Variants in IL1R1 observed in about 807,000 individuals in gnomAD.
The protein encoded by IL1R1 is interleukin-1 receptor type 1.
A neutral mutation model predicts 50.2 loss-of-function variants in IL1R1; 22 were observed. That is an observed-to-expected ratio of 0.44 (90% CI 0.31 to 0.63). The LOEUF (loss-of-function observed/expected upper bound fraction) is 0.63. IL1R1 is among the 20% of genes least tolerant of loss of function. The pLI, the probability that IL1R1 is intolerant of heterozygous loss-of-function variation, is 0.07. For synonymous variants in IL1R1, 251 were observed against 236.7 expected (o/e 1.06, Z -0.55); for missense variants, 509 against 676.2 (o/e 0.75, Z 2.74).
chr2:102,151,034 C>T (rs955854925), intron 1 of IL1R1, among the ~76,000 whole-genome samples: 2 of 152,132 alleles, frequency 1.3e-5, no homozygotes, highest in African/African-American at 4.8e-5. Flanking sequence ...TCTAAAGGTA[C>T]GTTTTGAATC....
At chr2:102,076,804 G>A (rs1204397894) in intron 1 of IL1R1, among the ~76,000 whole-genome samples, 1 of 152,012 alleles carries the variant, frequency 6.6e-6, no homozygotes, top group East Asian at 1.9e-4. Flanking sequence ...ATTAGGGCTT[G>A]TTGCCCTTCT....
chr2:102,095,461 C>T (rs1352923059), intron 1 of IL1R1, among the ~76,000 whole-genome samples: 1 of 152,092 alleles, frequency 6.6e-6, no homozygotes, highest in Non-Finnish European at 1.5e-5. Context: ...TTAAAGAATA[C>T]TGGAAAATTT....
intron 1 of IL1R1, among the ~76,000 whole-genome samples, chr2:102,128,247 A>G (rs1051164147): frequency 1.3e-5 from 2 of 152,218 alleles, no homozygotes; most frequent in Admixed American, 1.3e-4. Flanking sequence ...TTCCAAAATG[A>G]CATCACACTA....
intron 3 of IL1R1, among the ~76,000 whole-genome samples, chr2:102,160,222 C>T (rs1684592570): frequency 1.3e-5 from 2 of 152,080 alleles, no homozygotes; most frequent in South Asian, 4.1e-4. Flanking sequence ...ATAATATTCC[C>T]TCACTACCCT....
In IL1R1 at chr2:102,176,718, A is replaced by T. The variant is rs200336827; in HGVS notation, c.1669A>T (p.Lys557Ter). 4 of 1,614,166 alleles carry T rather than the reference A, an allele frequency of 2.5e-6. No homozygotes were observed. The highest frequency in any genetic ancestry group is 3.4e-6 in the Non-Finnish European group (4 of 1,180,020). The change falls in exon 12 of 12, where the codon AAG (lysine) becomes TAG (stop). Residue 557 changes from lysine (K) to a stop codon, truncating the protein, a stop_gained. Transcript: ENST00000410023. LOFTEE classifies it low-confidence loss of function (END_TRUNC). ...SKHQLLSPATKEKLQREAHVP... is the reference protein window; with the variant it reads ...SKHQLLSPAT ...ACACCAGTTACTGTCACCAGCCACTAAGGAGAAACTGCAAAGAGAGGCTCA... is the reference window on the plus strand; with the variant it reads ...ACACCAGTTACTGTCACCAGCCACTTAGGAGAAACTGCAAAGAGAGGCTCA...
chr2:102,132,470 C>A (rs575628326), intron 1 of IL1R1, among the ~76,000 whole-genome samples: 36 of 152,138 alleles, frequency 2.4e-4, no homozygotes, highest in African/African-American at 7.9e-4. Context: ...GCACTAAATA[C>A]CTGTTTTAAA....
At chr2:102,120,182 A>C (rs537532726) in intron 1 of IL1R1, among the ~76,000 whole-genome samples, 1 of 152,030 alleles carries the variant, frequency 6.6e-6, no homozygotes, top group African/African-American at 2.4e-5. Flanking sequence ...GAAACCTTTG[A>C]TGTGCATGTT....
chr2:102,078,351 T>A (rs1679063968), intron 1 of IL1R1, among the ~76,000 whole-genome samples: 4 of 151,780 alleles, frequency 2.6e-5, no homozygotes, highest in Admixed American at 2.6e-4. Flanking sequence ...ATGACTCAAA[T>A]AACTAAAATC....
At chr2:102,120,893 G>A (rs1048106039) in intron 1 of IL1R1, among the ~76,000 whole-genome samples, 1 of 152,200 alleles carries the variant, frequency 6.6e-6, no homozygotes, top group Non-Finnish European at 1.5e-5. Flanking sequence ...AAGAGTAAAT[G>A]AGTTCCGGCA....
intron 1 of IL1R1, among the ~76,000 whole-genome samples, chr2:102,091,738 T>C (rs1220093849): frequency 6.6e-6 from 1 of 152,236 alleles, no homozygotes; most frequent in Non-Finnish European, 1.5e-5. Flanking sequence ...TCTAACTGTA[T>C]GTTTTTACCC....
intron 7 of IL1R1, among the ~76,000 whole-genome samples, chr2:102,170,633 T>A (rs1298497386): frequency 2.6e-5 from 4 of 152,230 alleles, no homozygotes; most frequent in African/African-American, 9.6e-5. Context: ...CAAATGCCAT[T>A]TGCACCAGTA....
intron 1 of IL1R1, among the ~76,000 whole-genome samples, chr2:102,083,568 C>T (rs1679309575): frequency 6.6e-6 from 1 of 152,148 alleles, no homozygotes; most frequent in Non-Finnish European, 1.5e-5. Context: ...CCTGATGACA[C>T]ACTTAGGAGT....
At chr2:102,086,311 A>T (rs1291790177) in intron 1 of IL1R1, among the ~76,000 whole-genome samples, 1 of 152,134 alleles carries the variant, frequency 6.6e-6, no homozygotes, top group Non-Finnish European at 1.5e-5. Context: ...TTCAGTTGTT[A>T]ATCACTTCAT....
rs1686144069 is a variant in IL1R1 at position 102,176,442 on chromosome 2, G to C, written c.1393G>C (p.Gly465Arg). 1 of 1,614,038 alleles carries C rather than the reference G, an allele frequency of 6.2e-7. No individual in the cohort carries two copies. The highest frequency in any genetic ancestry group is 1.1e-5 in the South Asian group (1 of 91,080). The change falls in exon 12 of 12, where the codon GGT (glycine) becomes CGT (arginine). Residue 465 changes from glycine (G) to arginine (R), a missense_variant. By Grantham distance (125) the Gly-to-Arg change is moderately radical. Coordinates refer to ENST00000410023, the MANE Select transcript of IL1R1 (RefSeq NM_000877.4). ...AGAAACATCAGGCTTCAGCTGGCTG[G>C]GTGGTTCATCTGAAGAGCAAATAGC... The part of the protein sequence containing the change: ...VRETSGFSWL[G>R]GSSEEQIAMY...
intron 1 of IL1R1, among the ~76,000 whole-genome samples, chr2:102,106,723 A>G (rs750892102): frequency 6.1e-4 from 93 of 152,330 alleles, no homozygotes; most frequent in Admixed American, 2.5e-3. Flanking sequence ...TTGAAGAAAT[A>G]TATTTGTACT....
At chr2:102,071,029 G>A (rs1160301482) in intron 1 of IL1R1, among the ~76,000 whole-genome samples, 1 of 151,980 alleles carries the variant, frequency 6.6e-6, no homozygotes, top group Non-Finnish European at 1.5e-5. Flanking sequence ...ATAAGGTTAT[G>A]TAAATTGATC....
intron 1 of IL1R1, among the ~76,000 whole-genome samples, chr2:102,124,683 C>A (rs535806138): frequency 6.6e-6 from 1 of 151,562 alleles, no homozygotes; most frequent in African/African-American, 2.4e-5. Flanking sequence ...TTTGAGAGGC[C>A]GAGGCAGGTG....
chr2:102,113,076 A>G (rs1680866427), intron 1 of IL1R1, among the ~76,000 whole-genome samples: 1 of 152,238 alleles, frequency 6.6e-6, no homozygotes, highest in Non-Finnish European at 1.5e-5. Flanking sequence ...GTGAGACACA[A>G]ATATTTGTTG....
At chr2:102,168,899 G>C (rs969958671) in intron 7 of IL1R1, among the ~76,000 whole-genome samples, 1 of 151,658 alleles carries the variant, frequency 6.6e-6, no homozygotes, top group Non-Finnish European at 1.5e-5. Flanking sequence ...TTATTACCAT[G>C]AAAACACCAA....
Sources: gnomAD v4.1 joint callset for allele counts (sites outside exome capture counted in the v4.1 genomes callset) on GRCh38, gnomAD v4.1.1 for gene constraint, MANE v1.5 for transcripts, NCBI Gene and HGNC (gene_info 2026-07-23, HGNC 2026-07-21) for gene names.